CCDC102A: variants seen among roughly 807,000 people sequenced by gnomAD.
The protein encoded by CCDC102A is coiled-coil domain containing 102A, also known as coiled-coil domain-containing protein 102A.
Under a neutral mutation model 55.5 loss-of-function variants are expected in CCDC102A, and 40 were observed. The ratio of observed to expected loss-of-function variants is 0.72; its 90% CI spans 0.56 to 0.94. The LOEUF (loss-of-function observed/expected upper bound fraction) is 0.94. CCDC102A is among the 40% of genes least tolerant of loss of function. The pLI is 0.00. For synonymous variants in CCDC102A, 323 were observed against 339.0 expected (o/e 0.95, Z 0.52); for missense variants, 779 against 768.6 (o/e 1.01, Z -0.16).
At chr16:57,535,055 G>T (rs2032345501) in intron 1 of CCDC102A, among the ~76,000 whole-genome samples, 1 of 152,214 alleles carries the variant, frequency 6.6e-6, no homozygotes, top group Non-Finnish European at 1.5e-5. Context: ...AGCCTTTCAG[G>T]TAGGGCCCTG....
At chr16:57,515,093 C>G (rs547019857) in intron 8 of CCDC102A, among the ~76,000 whole-genome samples, 14 of 152,284 alleles carry the variant, frequency 9.2e-5, no homozygotes, top group African/African-American at 2.9e-4. Context: ...CCTGCCCTCA[C>G]TCTACCCACC....
chr16:57,535,175 A>C (rs868432837), intron 1 of CCDC102A, among the ~76,000 whole-genome samples: 7 of 152,306 alleles, frequency 4.6e-5, no homozygotes, highest in Middle Eastern at 6.8e-3. Context: ...TGGTCAGCCC[A>C]CAGACTGCGG....
Position 57,529,274 on chromosome 16 carries a change from G to T in CCDC102A, c.-97C>A. 1 of 1,117,250 alleles carries T rather than the reference G, an allele frequency of 9.0e-7. No homozygotes were observed. The highest frequency in any genetic ancestry group is 4.4e-5 in the South Asian group (1 of 22,764). 69.2% of individuals were successfully genotyped at this position (1,117,250 alleles called of 1,614,324 possible). ...GCGCGATACAACTGTGCATGATGAC[G>T]CCGTGCCCCGCTTCCCTCTGGGCCA... On this transcript the variant is annotated 5_prime_UTR_variant, in exon 2 of 9. Coordinates refer to ENST00000258214, the MANE Select transcript of CCDC102A (RefSeq NM_033212.4). The surrounding 1 kb of genome is among the most constrained non-coding windows in gnomAD (Gnocchi z 4.1).
intron 2 of CCDC102A, among the ~76,000 whole-genome samples, chr16:57,527,420 T>TG (rs2032156499): frequency 1.2e-5 from 1 of 86,712 alleles, no homozygotes; most frequent in African/African-American, 4.9e-5. Context: ...TGCTGCTGCT[T>TG]TTTTTTTTTT....
chr16:57,516,486 G>T lies in CCDC102A; in HGVS notation c.1249-23C>A. The T allele has an allele frequency of 6.3e-7, 1 of 1,587,978 alleles. No individual in the cohort carries two copies. The highest frequency in any genetic ancestry group is 1.1e-5 in the South Asian group (1 of 90,346). On this transcript the variant is annotated intron_variant, in intron 6 of 8. Coordinates refer to ENST00000258214, the MANE Select transcript of CCDC102A (RefSeq NM_033212.4). The surrounding 1 kb of genome is among the most constrained non-coding windows in gnomAD (Gnocchi z 4.4). Reference sequence around the variant, plus strand: ...CTCCTACAGGGCACAGGGATGGGGTGGGAGGGAGGAGGGAATCAGTATCAG... The same window carrying T: ...CTCCTACAGGGCACAGGGATGGGGTTGGAGGGAGGAGGGAATCAGTATCAG...
In CCDC102A at chr16:57,516,891, G is replaced by C. The variant is rs1468563317; in HGVS notation, c.1249-428C>G. On this transcript the variant is annotated intron_variant, in intron 6 of 8. Transcript: ENST00000258214. The surrounding 1 kb of genome is among the most constrained non-coding windows in gnomAD (Gnocchi z 4.4). The stretch of plus-strand genomic sequence containing the variant: ...AGAGTGGCTGGGAAGAGGAAGGGCA[G>C]CCAGCAAAAGAGATGCCCACCCTGG... Among the ~76,000 whole-genome samples, 3 of 152,168 alleles carry C rather than the reference G, an allele frequency of 2.0e-5. No homozygotes were observed. The highest frequency in any genetic ancestry group is 4.4e-5 in the Non-Finnish European group (3 of 68,028).
At position 57,515,422 on chromosome 16, in the gene CCDC102A, G is replaced by T; in HGVS notation, c.1442C>A (p.Ala481Glu). The change falls in exon 8 of 9, where the codon GCA becomes GAA. Residue 481 changes from alanine to glutamate, a missense_variant. Transcript: ENST00000258214. ...GTCCAGCGACCGCTGCAGCTTACGT[G>T]CCTGGTTGTGGGCCTCGTCCAGCTG... ...EDELDEAHNQ[A>E]RKLQRSLDEQ... The T allele has an allele frequency of 6.2e-7, 1 of 1,606,702 alleles. No homozygotes were observed.
intron 1 of CCDC102A, among the ~76,000 whole-genome samples, chr16:57,533,413 C>T (rs2032307705): frequency 6.6e-6 from 1 of 152,024 alleles, no homozygotes; most frequent in Admixed American, 6.5e-5. Flanking sequence ...CTCCCCCTAC[C>T]CTGCCCCACT....
At position 57,534,878 on chromosome 16, in the gene CCDC102A, C is replaced by T. The variant is rs117948999; in HGVS notation, c.-148+1622G>A. 5.7e-3 allele frequency among the ~76,000 whole-genome samples: 863 copies of T among 152,310 alleles called. 18 individuals are homozygous for T. The South Asian group carries it at 0.068, about 12-fold the overall frequency. ...TTTTACCTGGGGAAGCCTAATTGAC[C>T]CACTGGGAACAGCGTTGTGTTTTGT... is the stretch of plus-strand genomic sequence containing the variant. On this transcript the variant is annotated intron_variant, in intron 1 of 8. Coordinates refer to ENST00000258214, the MANE Select transcript of CCDC102A (RefSeq NM_033212.4).
At position 57,528,997 on chromosome 16, in the gene CCDC102A, G is replaced by A; in HGVS notation, c.181C>T (p.Pro61Ser). Residue 61 changes from proline to serine, a missense_variant, in exon 2 of 9, where the codon CCC (proline) becomes TCC (serine). Transcript: ENST00000258214. ...PPPALPLPPA[P>S]ALLADGDWES... ...CAGTCGCCGTCGGCCAGCAGCGCGG[G>A]CGCGGGGGGCAGGGGCAGTGCGGGC... is the stretch of plus-strand genomic sequence containing the variant. 8.8e-7 allele frequency: 1 copy of A among 1,139,906 alleles called. No individual in the cohort carries two copies. Among genetic ancestry groups the A allele is most frequent in the Non-Finnish European group, 1.1e-6 (1 of 925,152 alleles). The allele number at this position is 1,139,906 out of a possible 1,614,324, so 70.6% of individuals were successfully genotyped here.
chr16:57,514,072 G>C (rs186865437), intron 8 of CCDC102A, among the ~76,000 whole-genome samples: 103 of 152,298 alleles, frequency 6.8e-4, no homozygotes, highest in African/African-American at 2.3e-3. Flanking sequence ...TTCTCTCATA[G>C]AAGCAGCGTG....
chr16:57,517,372 G>A (rs554237632), intron 6 of CCDC102A, among the ~76,000 whole-genome samples: 14 of 151,996 alleles, frequency 9.2e-5, no homozygotes, highest in Middle Eastern at 3.4e-3. Flanking sequence ...TTTTTGAGAC[G>A]GAGTTTCTCT....
At chr16:57,520,032 G>A (rs1221239156) in intron 4 of CCDC102A, among the ~76,000 whole-genome samples, 1 of 152,134 alleles carries the variant, frequency 6.6e-6, no homozygotes, top group African/African-American at 2.4e-5. Context: ...CCCTTCTCTG[G>A]AGCCTCAGTT....
intron 3 of CCDC102A, among the ~76,000 whole-genome samples, chr16:57,524,241 T>G (rs2032096594): frequency 6.7e-6 from 1 of 150,280 alleles, no homozygotes; most frequent in South Asian, 2.1e-4. Flanking sequence ...GGCCAAGGAG[T>G]GGAGTGGCCA....
intron 7 of CCDC102A, 22 bp from the exon 8 acceptor site, chr16:57,515,466 A>C (rs1200110509): frequency 1.3e-6 from 2 of 1,531,032 alleles, no homozygotes; most frequent in Non-Finnish European, 1.8e-6. Context: ...AGCAGGGCCG[A>C]AAGCACGAGG....
intron 2 of CCDC102A, among the ~76,000 whole-genome samples, chr16:57,526,766 T>G (rs1184461418): frequency 1.4e-4 from 22 of 152,196 alleles, no homozygotes; most frequent in African/African-American, 5.1e-4. Flanking sequence ...GACCAGCCTC[T>G]TCCTGGCCCG....
rs992582622 is a variant in CCDC102A, at chr16:57,534,652, C to G, written c.-148+1848G>C. Among the ~76,000 whole-genome samples the G allele has an allele frequency of 2.6e-5, 4 of 152,150 alleles. No individual in the cohort carries two copies. In the East Asian group the frequency reaches 5.8e-4, roughly 22 times the overall value. ...CACAGGGCCCAGCATACAGCAGATGCGTGATGGATGGAAGGTACCCCTAAG... is the reference window on the plus strand; with the variant it reads ...CACAGGGCCCAGCATACAGCAGATGGGTGATGGATGGAAGGTACCCCTAAG... On this transcript the variant is annotated intron_variant, in intron 1 of 8. Transcript: ENST00000258214.
intron 1 of CCDC102A, among the ~76,000 whole-genome samples, chr16:57,531,305 C>T (rs991409652): frequency 4.6e-5 from 7 of 152,012 alleles, no homozygotes; most frequent in Non-Finnish European, 1.0e-4. Flanking sequence ...AAGGCACTTC[C>T]TCACTCCTTC....
chr16:57,530,962 C>T (rs1294188771), intron 1 of CCDC102A, among the ~76,000 whole-genome samples: 2 of 151,894 alleles, frequency 1.3e-5, no homozygotes, highest in African/African-American at 2.4e-5. Context: ...CTTGCTTCCA[C>T]GTCTTCCTCT....
Sources: allele counts gnomAD v4.1 joint callset (sites outside exome capture counted in the v4.1 genomes callset), GRCh38; gene constraint gnomAD v4.1.1; non-coding constraint Gnocchi (gnomAD v3.1); transcripts MANE v1.5; gene names NCBI Gene and HGNC (gene_info 2026-07-23, HGNC 2026-07-21).